Variants in TGDS observed in about 807,000 individuals in gnomAD.
TGDS encodes UDP-D-glucose 4,6-dehydratase.
In TGDS, 47 loss-of-function variants were observed where a neutral mutation model predicts 52.3. That is an observed-to-expected ratio of 0.90 (90% CI 0.71 to 1.15). The LOEUF (loss-of-function observed/expected upper bound fraction) is 1.15, where lower values mean the gene tolerates loss of function less well. Ranked by LOEUF, TGDS falls within the 50% of genes most tolerant of loss-of-function variation. TGDS has a pLI of 0.00. For missense variants in TGDS, 375 were observed against 418.4 expected, an observed-to-expected ratio of 0.90 and a Z score of 0.90; for synonymous variants, 115 against 136.9, an observed-to-expected ratio of 0.84 and a Z score of 1.12.
In TGDS at chr13:94,585,763, G is replaced by C. The variant is rs140174928; in HGVS notation, c.314-2527C>G. 4.0e-3 allele frequency among the ~76,000 whole-genome samples: 587 copies of C among 146,642 alleles called. 4 individuals are homozygous for C. The highest frequency in any genetic ancestry group is 0.022 in the Middle Eastern group (6 of 274). The stretch of plus-strand genomic sequence containing the variant: ...TGCAGTAAGCCGAGATCACAACACT[G>C]CACTCTGGCCTAGGTGACAGAACAA... On this transcript the variant is annotated intron_variant, in intron 4 of 11. Coordinates refer to ENST00000261296, the MANE Select transcript of TGDS (RefSeq NM_014305.4).
At chr13:94,591,519 G>A (rs1043333731) in intron 3 of TGDS, among the ~76,000 whole-genome samples, 17 of 152,268 alleles carry the variant, frequency 1.1e-4, no homozygotes, top group African/African-American at 3.6e-4. Flanking sequence ...CTTGAACCCC[G>A]GAGGCAGGGG....
intron 3 of TGDS, among the ~76,000 whole-genome samples, chr13:94,591,753 A>C (rs9516436): frequency 0.34 from 51,739 of 152,140 alleles, 11,158 homozygotes; most frequent in African/African-American, 0.61. Flanking sequence ...TTTCACACAG[A>C]ATAGAATTAT....
intron 4 of TGDS, among the ~76,000 whole-genome samples, chr13:94,583,973 A>T (rs1263766600): frequency 6.6e-6 from 1 of 152,190 alleles, no homozygotes; most frequent in Non-Finnish European, 1.5e-5. Flanking sequence ...AGTAAGAAAA[A>T]CCCAAATTAA....
chr13:94,577,883 C>T, intron 9 of TGDS, 122 bp downstream of exon 9: 1 of 1,006,320 alleles, frequency 9.9e-7, no homozygotes, highest in African/African-American at 1.6e-5. Flanking sequence ...TACACAAAAT[C>T]ATTAATTTCA....
rs1016074524 is a variant in TGDS at position 94,593,156 on chromosome 13, G to GA, written c.153+684dup. On this transcript the variant is annotated intron_variant, in intron 2 of 11. Transcript: ENST00000261296. ...CAACAGAGTGAGAGTCCATTTCAAA[G>GA]AAAAAAAAAAATGTTCATGCCAAAA... 8.0e-4 allele frequency among the ~76,000 whole-genome samples: 116 copies of GA among 145,150 alleles called. 1 individual carries two copies. The highest frequency in any genetic ancestry group is 2.5e-3 in the African/African-American group (99 of 39,740).
At chr13:94,578,209 A>G (rs1464455122) in intron 8 of TGDS, 39 bp from the exon 9 acceptor site, 1 of 1,600,608 alleles carries the variant, frequency 6.2e-7, no homozygotes, top group Non-Finnish European at 8.5e-7. Context: ...AAAGTGTAAA[A>G]AGGTAAACTC....
chr13:94,581,295 A>T lies in TGDS; in HGVS notation c.457-106T>A, dbSNP rs541777730. 137 of 690,600 alleles carry T rather than the reference A, an allele frequency of 2.0e-4. 1 individual carries two copies. The East Asian group carries it at 3.9e-3, about 20-fold the overall frequency. The allele number at this position is 690,600 out of a possible 1,614,324, so 42.8% of individuals were successfully genotyped here. The stretch of plus-strand genomic sequence containing the variant: ...TGTCAATCACCAAATTTTAAAAGCC[A>T]CTTCTTAAATCCTATGTGCCTGGTG... On this transcript the variant is annotated intron_variant, in intron 5 of 11. Transcript: ENST00000261296.
At chr13:94,576,747 A>G (rs1888616404) in intron 10 of TGDS, among the ~76,000 whole-genome samples, 1 of 152,216 alleles carries the variant, frequency 6.6e-6, no homozygotes, top group Non-Finnish European at 1.5e-5. Context: ...CTCATATGCC[A>G]GGCTGTGGGT....
chr13:94,583,096 T>C lies in TGDS; in HGVS notation c.454A>G (p.Lys152Glu), dbSNP rs1888856033. Residue 152 changes from lysine to glutamate, a missense_variant and splice_region_variant, in exon 5 of 12, where the codon AAG becomes GAG. Lys to Glu is a moderately conservative substitution (Grantham distance 56, BLOSUM62 1). Transcript: ENST00000261296. ...AAATATACATTTTCTAAGCTCACCT[T>C]ATCAAGACTGCCACCATATACTTCA... ...TDEVYGGSLD[K>E]EFDESSPKQP... 1 of 1,613,088 alleles carries C rather than the reference T, an allele frequency of 6.2e-7. No individual in the cohort carries two copies. The highest frequency in any genetic ancestry group is 1.1e-5 in the South Asian group (1 of 90,828).
intron 6 of TGDS, among the ~76,000 whole-genome samples, chr13:94,580,559 A>C (rs1005730025): frequency 4.6e-5 from 7 of 152,172 alleles, no homozygotes; most frequent in African/African-American, 1.7e-4. Context: ...GGAGCCACAA[A>C]AGCCAAATCA....
chr13:94,586,748 A>ATTCT lies in TGDS; in HGVS notation c.314-3513_314-3512insAGAA, dbSNP rs1566960948. Among the ~76,000 whole-genome samples, 10 of 88,444 alleles carry ATTCT rather than the reference A, an allele frequency of 1.1e-4. 2 individuals carry two copies. The highest frequency in any genetic ancestry group is 1.7e-4 in the Admixed American group (1 of 5,904). 58.0% of individuals were successfully genotyped at this position (88,444 alleles called of 152,430 possible). A position where few individuals can be genotyped will look rare whatever the true frequency, so the allele number is the denominator to read the frequency against. Reference sequence around the variant, plus strand: ...ACCCACGGATGAGAGAAGAAATCAAATTATTTTTTTTTTTTTTTTTTTTTT... The same window carrying ATTCT: ...ACCCACGGATGAGAGAAGAAATCAAATTCTTTATTTTTTTTTTTTTTTTTTTTTT... On this transcript the variant is annotated intron_variant, in intron 4 of 11. Transcript: ENST00000261296.
At chr13:94,589,610 G>C (rs996348765) in intron 4 of TGDS, among the ~76,000 whole-genome samples, 3 of 152,010 alleles carry the variant, frequency 2.0e-5, no homozygotes, top group East Asian at 3.9e-4. Context: ...CACCGCTCCC[G>C]GCCAAAATGG....
chr13:94,593,737 T>C, intron 2 of TGDS, 104 bp downstream of exon 2: 1 of 862,340 alleles, frequency 1.2e-6, no homozygotes, highest in Non-Finnish European at 1.9e-6. Context: ...CTAAAATGAC[T>C]AAATAAAAAA....
intron 4 of TGDS, among the ~76,000 whole-genome samples, chr13:94,584,624 C>T (rs543763454): frequency 1.3e-5 from 2 of 152,336 alleles, no homozygotes; most frequent in East Asian, 1.9e-4. Flanking sequence ...AGTGCCCAGA[C>T]TGTGGCCTCT....
At chr13:94,590,162 T>C (rs1040767583) in intron 4 of TGDS, among the ~76,000 whole-genome samples, 1 of 148,068 alleles carries the variant, frequency 6.8e-6, no homozygotes, top group African/African-American at 2.5e-5. Context: ...AAACTCTACA[T>C]ATCATTATAT....
At chr13:94,581,426 G>C (rs1344576733) in intron 5 of TGDS, among the ~76,000 whole-genome samples, 2 of 152,160 alleles carry the variant, frequency 1.3e-5, no homozygotes, top group Non-Finnish European at 2.9e-5. Flanking sequence ...CATGTCCAAA[G>C]GAATTGCAGG....
At chr13:94,586,751 ATTTTTTTT>A (rs55763244) in intron 4 of TGDS, among the ~76,000 whole-genome samples, 1 of 36,842 alleles carries the variant, frequency 2.7e-5, no homozygotes, top group Non-Finnish European at 5.4e-5. Flanking sequence ...AAATCAAATT[ATTTTTTTT>A]TTTTTTTTTT....
intron 5 of TGDS, among the ~76,000 whole-genome samples, chr13:94,582,199 C>CA (rs35792308): frequency 0.35 from 48,404 of 138,788 alleles, 9,082 homozygotes; most frequent in East Asian, 0.57. Context: ...ACTCCCATCT[C>CA]AAAAAAAAAA....
intron 2 of TGDS, among the ~76,000 whole-genome samples, chr13:94,593,555 T>C (rs969640826): frequency 7.2e-5 from 11 of 152,190 alleles, no homozygotes; most frequent in African/African-American, 2.2e-4. Flanking sequence ...ATTTTTCTTA[T>C]AGTTTTTTTG....
Sources: allele counts gnomAD v4.1 joint callset (sites outside exome capture counted in the v4.1 genomes callset), GRCh38; gene constraint gnomAD v4.1.1; transcripts MANE v1.5; gene names NCBI Gene and HGNC (gene_info 2026-07-23, HGNC 2026-07-21).